Variants in ODAD2 observed in about 807,000 individuals in gnomAD.
The protein encoded by ODAD2 is outer dynein arm docking complex subunit 2.
In ODAD2, 89 loss-of-function variants were observed where a neutral mutation model predicts 106.8. That is an observed-to-expected ratio of 0.83 (90% CI 0.70 to 0.99). ODAD2 has a LOEUF of 0.99. ODAD2 is among the 50% of genes least tolerant of loss of function. ODAD2 has a pLI of 0.00. For synonymous variants in ODAD2, 404 were observed against 436.2 expected (o/e 0.93, Z 0.92); for missense variants, 1,168 against 1,238.5 (o/e 0.94, Z 0.85).
chr10:27,961,726 T>C lies in ODAD2; in HGVS notation c.1239-11A>G, dbSNP rs1263872304. On this transcript the variant is annotated splice_polypyrimidine_tract_variant and intron_variant, in intron 9 of 19. Transcript: ENST00000305242. The stretch of plus-strand genomic sequence containing the variant: ...TTTTCAGCACTCTTCCTAAGAACAA[T>C]AACAACACACATACACATGTAAGCT... 3.1e-6 allele frequency: 5 copies of C among 1,600,078 alleles called. No homozygotes were observed. In the African/African-American group the frequency reaches 5.4e-5, roughly 17 times the overall value.
intron 16 of ODAD2, among the ~76,000 whole-genome samples, chr10:27,918,971 T>G (rs1339913195): frequency 6.6e-6 from 1 of 151,046 alleles, no homozygotes; most frequent in Non-Finnish European, 1.5e-5. Flanking sequence ...AATAAGTAGA[T>G]AACTAGAAAA....
intron 12 of ODAD2, among the ~76,000 whole-genome samples, chr10:27,941,428 T>C (rs1041794665): frequency 1.3e-5 from 2 of 148,928 alleles, no homozygotes; most frequent in African/African-American, 5.0e-5. Context: ...AAGTCTGCAG[T>C]GAGTTATGAT....
chr10:27,979,811 T>C (rs1225790645), intron 7 of ODAD2, among the ~76,000 whole-genome samples: 2 of 152,124 alleles, frequency 1.3e-5, no homozygotes, highest in Non-Finnish European at 2.9e-5. Flanking sequence ...ATAAATTCAA[T>C]GAAATCTCTA....
intron 10 of ODAD2, among the ~76,000 whole-genome samples, chr10:27,958,527 C>T (rs917881860): frequency 1.3e-5 from 2 of 152,130 alleles, no homozygotes; most frequent in African/African-American, 2.4e-5. Flanking sequence ...TATTTTAAGA[C>T]GTTGAGAGAC....
chr10:27,898,086 T>C (rs1564479268), intron 17 of ODAD2, among the ~76,000 whole-genome samples: 1 of 152,186 alleles, frequency 6.6e-6, no homozygotes. Context: ...CATATAATAA[T>C]AGCACTAAGC....
rs138851854 is a variant in ODAD2 at position 27,935,045 on chromosome 10, T to A, written c.2460A>T (p.Ala820=). 6.2e-7 allele frequency: 1 copy of A among 1,614,004 alleles called. No homozygotes were observed. Among genetic ancestry groups the A allele is most frequent in the Admixed American group, 1.7e-5 (1 of 60,008 alleles). ...CAGGTTCTACTGCACAAGCACCAAC[T>A]GCTTTTGTAACATTCACAAGAAGAG... The part of the protein sequence containing the change: ...NQALLVNVTK[A]VGACAVEPES... Residue 820 remains alanine (A), a synonymous_variant, in exon 16 of 20, where the codon GCA becomes GCT. Coordinates refer to ENST00000305242, the MANE Select transcript of ODAD2 (RefSeq NM_018076.5).
intron 9 of ODAD2, among the ~76,000 whole-genome samples, chr10:27,962,343 T>C (rs1848195340): frequency 6.6e-6 from 1 of 152,236 alleles, no homozygotes; most frequent in South Asian, 2.1e-4. Context: ...ACATTTCAAG[T>C]GCTCAATGGC....
chr10:27,888,309 C>T lies in ODAD2; in HGVS notation c.2610+19354G>A, dbSNP rs117603735. ...GTATAAGTGTTCCCTTTTCTCCTCA[C>T]CCTTGCCAACATACATTGTTTTTGT... On this transcript the variant is annotated intron_variant, in intron 17 of 19. Transcript: ENST00000305242. Among the ~76,000 whole-genome samples, 703 of 152,112 alleles carry T rather than the reference C, an allele frequency of 4.6e-3. 5 individuals are homozygous for T. Among genetic ancestry groups the T allele is most frequent in the Middle Eastern group, 0.031 (9 of 294 alleles).
chr10:27,934,986 C>A lies in ODAD2; in HGVS notation c.2495+24G>T, dbSNP rs1182954035. Reference sequence around the variant, plus strand: ...GTTCTCCCTAACACTTATATAAAATCTTTCCATCTCCAGGGCCACTTACAT... The same window carrying A: ...GTTCTCCCTAACACTTATATAAAATATTTCCATCTCCAGGGCCACTTACAT... On this transcript the variant is annotated intron_variant, in intron 16 of 19. Coordinates refer to ENST00000305242, the MANE Select transcript of ODAD2 (RefSeq NM_018076.5). 3.1e-6 allele frequency: 5 copies of A among 1,612,900 alleles called. No homozygotes were observed. In the African/African-American group the frequency reaches 4.0e-5, roughly 13 times the overall value.
At chr10:27,838,360 T>G (rs1433485070) in intron 19 of ODAD2, among the ~76,000 whole-genome samples, 2 of 152,246 alleles carry the variant, frequency 1.3e-5, no homozygotes, top group Non-Finnish European at 2.9e-5. Context: ...TCTGCCTTTG[T>G]GTATTGAGTC....
At chr10:27,874,385 G>C (rs1488684317) in intron 17 of ODAD2, among the ~76,000 whole-genome samples, 1 of 152,144 alleles carries the variant, frequency 6.6e-6, no homozygotes, top group Admixed American at 6.5e-5. Flanking sequence ...TGTGTGATTT[G>C]ATCCTGTCAT....
chr10:27,916,347 G>C (rs1161963545), intron 16 of ODAD2, among the ~76,000 whole-genome samples: 1 of 152,142 alleles, frequency 6.6e-6, no homozygotes, highest in Non-Finnish European at 1.5e-5. Context: ...AGGGTGAAGA[G>C]AGCATCTGCA....
intron 6 of ODAD2, 85 bp downstream of exon 6, chr10:27,983,758 T>C: frequency 1.6e-6 from 2 of 1,286,148 alleles, no homozygotes; most frequent in South Asian, 2.7e-5. Context: ...TCATTCTCTG[T>C]GGTCATTGGG....
intron 12 of ODAD2, among the ~76,000 whole-genome samples, chr10:27,941,136 C>G (rs901223003): frequency 2.0e-5 from 3 of 152,052 alleles, no homozygotes; most frequent in African/African-American, 7.2e-5. Flanking sequence ...AAACTAGCTT[C>G]CCTAAAACCA....
chr10:27,987,266 C>T (rs1349717735), intron 3 of ODAD2, 120 bp downstream of exon 3: 2 of 872,050 alleles, frequency 2.3e-6, no homozygotes, highest in South Asian at 4.7e-5. Context: ...GACTTTTTAC[C>T]TTGTAGATTG....
intron 10 of ODAD2, among the ~76,000 whole-genome samples, chr10:27,954,181 G>A (rs1847558145): frequency 6.6e-6 from 1 of 152,172 alleles, no homozygotes; most frequent in Non-Finnish European, 1.5e-5. Flanking sequence ...CCATGAGTGT[G>A]TGTTTTTAAA....
rs145526722 is a variant in ODAD2 at position 27,860,723 on chromosome 10, T to C, written c.2923A>G (p.Asn975Asp). 9.9e-6 allele frequency: 16 copies of C among 1,614,084 alleles called. No individual in the cohort carries two copies. In the South Asian group the frequency reaches 1.2e-4, roughly 12 times the overall value. The change falls in exon 19 of 20, where the codon AAT becomes GAT. Residue 975 changes from asparagine to aspartate, a missense_variant. This residue lies in a region of ODAD2 where 701 missense variants were observed against 712.3 expected (regional missense o/e 0.98). Transcript: ENST00000305242. ...GTCGCCCGATGCACGTTGGTGTCAT[T>C]TGATTTCAGATAACGCACTAGTGGA... is the stretch of plus-strand genomic sequence containing the variant. ...VAPLVRYLKS[N>D]DTNVHRATAQ...
intron 17 of ODAD2, among the ~76,000 whole-genome samples, chr10:27,866,677 C>G (rs1258496929): frequency 3.3e-5 from 5 of 152,138 alleles, no homozygotes; most frequent in Admixed American, 2.6e-4. Flanking sequence ...AAGTAGGCAT[C>G]ACATGGTAAA....
chr10:27,845,042 C>G lies in ODAD2; in HGVS notation c.3021+15583G>C, dbSNP rs145070091. Among the ~76,000 whole-genome samples, 959 of 152,216 alleles carry G rather than the reference C, an allele frequency of 6.3e-3. 13 individuals carry two copies. Among genetic ancestry groups the G allele is most frequent in the African/African-American group, 0.022 (924 of 41,520 alleles). On this transcript the variant is annotated intron_variant, in intron 19 of 19. Coordinates refer to ENST00000305242, the MANE Select transcript of ODAD2 (RefSeq NM_018076.5). ...TGAATCAGCAAGGCAGGCCAACATT[C>G]AAATTCAGGAAATACAGAGAACACC...
Sources: allele counts gnomAD v4.1 joint callset (sites outside exome capture counted in the v4.1 genomes callset), GRCh38; gene constraint gnomAD v4.1.1; regional missense constraint gnomAD v4.1.1; transcripts MANE v1.5; gene names NCBI Gene and HGNC (gene_info 2026-07-23, HGNC 2026-07-21).